Variants in CERS3 observed in about 807,000 individuals in gnomAD.
CERS3 encodes the protein LAG1 homolog, ceramide synthase 3.
In CERS3, 33 loss-of-function variants were observed where a neutral mutation model predicts 50.3. The ratio of observed to expected loss-of-function variants is 0.66; its 90% confidence interval spans 0.50 to 0.88. The LOEUF (loss-of-function observed/expected upper bound fraction) is 0.88. Among genes scored for constraint, CERS3 ranks in the 40% least tolerant of loss-of-function variants. The pLI is 0.00. For missense variants in CERS3, 470 were observed against 460.3 expected, an observed-to-expected ratio of 1.02 and a Z score of -0.19; for synonymous variants, 176 against 155.2, an observed-to-expected ratio of 1.13 and a Z score of -0.99.
chr15:100,514,320 C>T (rs2036433698), intron 2 of CERS3, among the ~76,000 whole-genome samples: 2 of 152,136 alleles, frequency 1.3e-5, no homozygotes. Context: ...CTTTAATTGA[C>T]ACTTATTAAG....
chr15:100,436,976 C>A (rs1567613780), intron 11 of CERS3, among the ~76,000 whole-genome samples: 1 of 145,830 alleles, frequency 6.9e-6, no homozygotes, highest in Non-Finnish European at 1.5e-5. Flanking sequence ...TGGAGTCTCA[C>A]TCTGTCATCC....
chr15:100,453,934 A>T (rs149510795), intron 11 of CERS3, among the ~76,000 whole-genome samples: 52 of 152,344 alleles, frequency 3.4e-4, no homozygotes, highest in African/African-American at 1.2e-3. Context: ...CCAAGGAGGT[A>T]AAAGACCTCT....
intron 2 of CERS3, among the ~76,000 whole-genome samples, chr15:100,514,558 T>C (rs2036439645): frequency 6.6e-6 from 1 of 152,190 alleles, no homozygotes; most frequent in Non-Finnish European, 1.5e-5. Context: ...TCAATGTTAG[T>C]AATATTAGTT....
chr15:100,543,538 T>C (rs2037254600), intron 1 of CERS3, among the ~76,000 whole-genome samples: 1 of 151,504 alleles, frequency 6.6e-6, no homozygotes, highest in African/African-American at 2.4e-5. Context: ...TCTTTCTTTT[T>C]TTTTTTTTTA....
chr15:100,425,262 C>T (rs1234803451), intron 11 of CERS3, among the ~76,000 whole-genome samples: 2 of 152,206 alleles, frequency 1.3e-5, no homozygotes, highest in African/African-American at 4.8e-5. Flanking sequence ...GTCCCCCAGA[C>T]CCCAAAATGG....
chr15:100,477,762 G>A (rs1194569939), intron 7 of CERS3, among the ~76,000 whole-genome samples: 1 of 152,178 alleles, frequency 6.6e-6, no homozygotes. Context: ...GCAAACTGGT[G>A]TTCAGGTTGA....
At chr15:100,537,071 T>A (rs1432889962) in intron 1 of CERS3, among the ~76,000 whole-genome samples, 2 of 152,212 alleles carry the variant, frequency 1.3e-5, no homozygotes, top group African/African-American at 4.8e-5. Context: ...CTATCCCATA[T>A]CCTACCCTGC....
At chr15:100,417,230 G>T (rs974118272) in intron 11 of CERS3, among the ~76,000 whole-genome samples, 4 of 151,504 alleles carry the variant, frequency 2.6e-5, no homozygotes, top group African/African-American at 9.7e-5. Flanking sequence ...TGCGTGCACC[G>T]TGCGTGAGCC....
intron 7 of CERS3, among the ~76,000 whole-genome samples, chr15:100,477,467 G>C (rs1489166795): frequency 6.6e-6 from 1 of 151,920 alleles, no homozygotes; most frequent in East Asian, 1.9e-4. Flanking sequence ...CTGGATAAAG[G>C]ACAAGAAAGA....
At chr15:100,450,913 A>G (rs2034139270) in intron 11 of CERS3, among the ~76,000 whole-genome samples, 1 of 151,848 alleles carries the variant, frequency 6.6e-6, no homozygotes, top group Non-Finnish European at 1.5e-5. Flanking sequence ...AAAGTGGGGG[A>G]GGGGGGGAAC....
At chr15:100,538,804 T>G (rs977750913) in intron 1 of CERS3, among the ~76,000 whole-genome samples, 3 of 152,234 alleles carry the variant, frequency 2.0e-5, no homozygotes, top group African/African-American at 7.2e-5. Flanking sequence ...GCAGCCAGCT[T>G]GAATATCGCC....
At chr15:100,408,155 AGCCACCACAC>A (rs1159727939) in intron 11 of CERS3, among the ~76,000 whole-genome samples, 2 of 152,216 alleles carry the variant, frequency 1.3e-5, no homozygotes, top group Non-Finnish European at 2.9e-5. Context: ...TACAGGTGTA[AGCCACCACAC>A]TCGGCCAATT....
At chr15:100,532,531 C>T (rs57570776), upstream of CERS3, among the ~76,000 whole-genome samples, 10,461 of 151,768 alleles carry the variant, frequency 0.069, 419 homozygotes, top group South Asian at 0.16. Flanking sequence ...TTTGGGAGGC[C>T]AACACAGGAG....
intron 11 of CERS3, among the ~76,000 whole-genome samples, chr15:100,426,916 C>T (rs544828718): frequency 6.6e-6 from 1 of 152,340 alleles, no homozygotes; most frequent in Admixed American, 6.5e-5. Context: ...TGAGGTACTT[C>T]ATTTCCAGCC....
intron 10 of CERS3, among the ~76,000 whole-genome samples, chr15:100,463,233 G>A (rs142551556): frequency 8.4e-4 from 128 of 151,888 alleles, no homozygotes; most frequent in African/African-American, 2.7e-3. Context: ...TCAAGAGATC[G>A]AGACCATCCT....
intron 2 of CERS3, among the ~76,000 whole-genome samples, chr15:100,514,588 T>A (rs2036440666): frequency 6.6e-6 from 1 of 152,218 alleles, no homozygotes; most frequent in Non-Finnish European, 1.5e-5. Flanking sequence ...CCAGAATGTT[T>A]AAGCACATTT....
At chr15:100,457,654 C>T (rs575480369) in intron 10 of CERS3, among the ~76,000 whole-genome samples, 1 of 152,278 alleles carries the variant, frequency 6.6e-6, no homozygotes, top group South Asian at 2.1e-4. Context: ...TATATGTGAA[C>T]AGAAGTTTTG....
intron 2 of CERS3, among the ~76,000 whole-genome samples, chr15:100,511,533 A>ACTCT (rs2036340860): frequency 7.8e-6 from 1 of 128,510 alleles, no homozygotes; most frequent in African/African-American, 3.0e-5. Flanking sequence ...TTCCATTAAC[A>ACTCT]GTCTGTTACA....
rs1287226278 is a variant in CERS3 at position 100,401,210 on chromosome 15, A to AACAT, written c.*1499_*1502dup. Reference sequence around the variant, plus strand: ...TACGAGCCCCTGAATAAATAGGATGAACATACAAAATCTGACCGTTATGAG... The same window carrying AACAT: ...TACGAGCCCCTGAATAAATAGGATGAACATACATACAAAATCTGACCGTTATGAG... On this transcript the variant is annotated 3_prime_UTR_variant, in exon 12 of 12. Transcript: ENST00000679737. The AACAT allele has an allele frequency of 1.3e-5, 2 of 152,202 alleles. No homozygotes were observed. The highest frequency in any genetic ancestry group is 2.4e-5 in the African/African-American group (1 of 41,460). The allele number at this position is 152,202 out of a possible 1,614,324, so 9.4% of individuals were successfully genotyped here. A position where few individuals can be genotyped will look rare whatever the true frequency, so the allele number is the denominator to read the frequency against.
Sources: gnomAD v4.1 joint callset for allele counts (sites outside exome capture counted in the v4.1 genomes callset) on GRCh38, gnomAD v4.1.1 for gene constraint, MANE v1.5 for transcripts, NCBI Gene and HGNC (gene_info 2026-07-23, HGNC 2026-07-21) for gene names.